Variants in LEKR1 observed in about 807,000 individuals in gnomAD.
LEKR1 encodes leucine, glutamate and lysine rich 1, also known as protein LEKR1.
Under a neutral mutation model 72.4 loss-of-function variants are expected in LEKR1, and 59 were observed. The observed-to-expected ratio is 0.82, with a 90% confidence interval of 0.66 to 1.01. The LOEUF (loss-of-function observed/expected upper bound fraction) is 1.01. Among genes scored for constraint, LEKR1 ranks in the 50% least tolerant of loss-of-function variants. The pLI is 0.00. For synonymous variants in LEKR1, 257 were observed against 263.2 expected (o/e 0.98, Z 0.23); for missense variants, 728 against 759.2 (o/e 0.96, Z 0.48).
chr3:156,848,204 T>C (rs1018310632), intron 2 of LEKR1, among the ~76,000 whole-genome samples: 1 of 152,166 alleles, frequency 6.6e-6, no homozygotes, highest in African/African-American at 2.4e-5. Context: ...TTTATTGACA[T>C]GGATGAATTA....
chr3:156,954,843 CT>C (rs970535814), intron 6 of LEKR1, among the ~76,000 whole-genome samples: 30 of 152,026 alleles, frequency 2.0e-4, no homozygotes, highest in Admixed American at 7.9e-4. Flanking sequence ...TAGTCAGGCT[CT>C]TTTAGGTTCC....
In LEKR1 at chr3:156,993,143, G is replaced by A; in HGVS notation, c.975G>A (p.Gln325=). 1.2e-6 allele frequency: 2 copies of A among 1,612,438 alleles called. No homozygotes were observed. Among genetic ancestry groups the A allele is most frequent in the Admixed American group, 1.7e-5 (1 of 59,856 alleles). Residue 325 remains glutamine, a synonymous_variant, in exon 9 of 13, where the codon CAG becomes CAA. Transcript: ENST00000356539. ...MTCQQIYKAL[Q]EELTVKEKQE... ...GTCAACAGATATATAAAGCATTACAGGAAGAGCTGACTGTGAAAGAAAAGC... is the reference window on the plus strand; with the variant it reads ...GTCAACAGATATATAAAGCATTACAAGAAGAGCTGACTGTGAAAGAAAAGC...
At chr3:157,002,795 G>A (rs566167659) in intron 9 of LEKR1, among the ~76,000 whole-genome samples, 10 of 152,184 alleles carry the variant, frequency 6.6e-5, no homozygotes, top group African/African-American at 2.2e-4. Context: ...TGAAAATTCA[G>A]TGAATAATTA....
intron 3 of LEKR1, among the ~76,000 whole-genome samples, chr3:156,865,781 C>T (rs1717243513): frequency 6.6e-6 from 1 of 151,988 alleles, no homozygotes; most frequent in Non-Finnish European, 1.5e-5. Context: ...TCCCTCGAGC[C>T]TCACTCTCTT....
chr3:156,843,405 T>G (rs995547401), intron 2 of LEKR1, among the ~76,000 whole-genome samples: 12 of 152,098 alleles, frequency 7.9e-5, no homozygotes, highest in South Asian at 6.2e-4. Context: ...TTTTTTAAAA[T>G]GGTGACAAAA....
At chr3:156,907,931 T>C (rs553278526) in intron 3 of LEKR1, among the ~76,000 whole-genome samples, 1 of 152,278 alleles carries the variant, frequency 6.6e-6, no homozygotes, top group East Asian at 1.9e-4. Flanking sequence ...CTGTGACAGT[T>C]CCTCAGTCTT....
intron 12 of LEKR1, among the ~76,000 whole-genome samples, chr3:157,033,621 C>T (rs1342729399): frequency 6.6e-6 from 1 of 152,162 alleles, no homozygotes; most frequent in African/African-American, 2.4e-5. Flanking sequence ...ATTTCCAGAA[C>T]ATAAAGGTAT....
At position 157,028,376 on chromosome 3, in the gene LEKR1, G is replaced by A. The variant is rs138679064; in HGVS notation, c.1642G>A (p.Glu548Lys). Residue 548 changes from glutamate (E) to lysine (K), a missense_variant, in exon 12 of 13, where the codon GAG becomes AAG. By Grantham distance (56) the Glu-to-Lys change is moderately conservative. Coordinates refer to ENST00000356539, the MANE Select transcript of LEKR1 (RefSeq NM_001004316.3). ...RVMLAQTQLI[E>K]QFNQSQEENT... ...AATGCTGGCTCAAACACAACTGATA[G>A]AGCAATTTAACCAGTCCCAGGAAGA... 10 of 1,607,868 alleles carry A rather than the reference G, an allele frequency of 6.2e-6. No individual in the cohort carries two copies. The highest frequency in any genetic ancestry group is 1.7e-4 in the Middle Eastern group (1 of 6,042).
At chr3:156,920,405 G>A (rs1416845440) in intron 3 of LEKR1, among the ~76,000 whole-genome samples, 170 bp from the exon 4 acceptor site, 1 of 151,900 alleles carries the variant, frequency 6.6e-6, no homozygotes, top group Admixed American at 6.6e-5. Flanking sequence ...CCCAGGATTT[G>A]GTGCCCAAGA....
intron 2 of LEKR1, among the ~76,000 whole-genome samples, chr3:156,836,151 G>A (rs1156704342): frequency 1.3e-5 from 2 of 151,902 alleles, no homozygotes; most frequent in Non-Finnish European, 2.9e-5. Context: ...GGTTTTACAG[G>A]CCTAAGCCAC....
At chr3:157,034,343 T>C (rs573304359) in intron 12 of LEKR1, among the ~76,000 whole-genome samples, 2 of 152,176 alleles carry the variant, frequency 1.3e-5, no homozygotes, top group African/African-American at 2.4e-5. Flanking sequence ...ATTCAGAACA[T>C]TCCTAATTCA....
intron 9 of LEKR1, among the ~76,000 whole-genome samples, chr3:157,010,829 G>T: frequency 6.6e-6 from 1 of 151,988 alleles, no homozygotes; most frequent in East Asian, 1.9e-4. Context: ...ATGATAAAGT[G>T]ATCTTTATGT....
In LEKR1 at chr3:156,835,105, A is replaced by C. The variant is rs151028810; in HGVS notation, c.48+5728A>C. On this transcript the variant is annotated intron_variant, in intron 2 of 12. Coordinates refer to ENST00000356539, the MANE Select transcript of LEKR1 (RefSeq NM_001004316.3). ...AAGTTTCTATTTCCTATTTTAGACTATCAGTTTCTTGATTACCTATTCCCT... is the reference window on the plus strand; with the variant it reads ...AAGTTTCTATTTCCTATTTTAGACTCTCAGTTTCTTGATTACCTATTCCCT... Among the ~76,000 whole-genome samples the C allele has an allele frequency of 2.6e-3, 389 of 152,314 alleles. 2 individuals carry two copies. The highest frequency in any genetic ancestry group is 8.2e-3 in the African/African-American group (339 of 41,572).
intron 2 of LEKR1, among the ~76,000 whole-genome samples, chr3:156,839,648 A>T (rs77940242): frequency 6.6e-6 from 1 of 151,680 alleles, no homozygotes; most frequent in Non-Finnish European, 1.5e-5. Flanking sequence ...CTTGGAGATG[A>T]TTTTTTTTTC....
intron 3 of LEKR1, among the ~76,000 whole-genome samples, chr3:156,855,910 T>G (rs747959681): frequency 6.6e-6 from 1 of 152,080 alleles, no homozygotes; most frequent in Non-Finnish European, 1.5e-5. Flanking sequence ...CTTTACTTCT[T>G]TTATGTGACC....
chr3:156,839,712 C>G (rs191694341), intron 2 of LEKR1, among the ~76,000 whole-genome samples: 1 of 152,176 alleles, frequency 6.6e-6, no homozygotes, highest in Non-Finnish European at 1.5e-5. Flanking sequence ...TGCTAGAAAA[C>G]AAATTGATGC....
chr3:156,959,101 A>G (rs1282552883), intron 6 of LEKR1, among the ~76,000 whole-genome samples: 2 of 152,138 alleles, frequency 1.3e-5, no homozygotes, highest in Non-Finnish European at 2.9e-5. Flanking sequence ...CTCAGATATC[A>G]TGTTAAGCTT....
At chr3:156,894,118 C>G (rs957793079) in intron 3 of LEKR1, among the ~76,000 whole-genome samples, 2 of 152,204 alleles carry the variant, frequency 1.3e-5, no homozygotes, top group Non-Finnish European at 2.9e-5. Flanking sequence ...CAGACTTCAT[C>G]TTGGTCAGGA....
chr3:156,861,939 T>TAA (rs1716806855), intron 3 of LEKR1, among the ~76,000 whole-genome samples: 1 of 152,134 alleles, frequency 6.6e-6, no homozygotes, highest in African/African-American at 2.4e-5. Flanking sequence ...TATTTTCTTT[T>TAA]ATTTCTTCTC....
Sources: gnomAD v4.1 joint callset for allele counts (sites outside exome capture counted in the v4.1 genomes callset) on GRCh38, gnomAD v4.1.1 for gene constraint, MANE v1.5 for transcripts, NCBI Gene and HGNC (gene_info 2026-07-23, HGNC 2026-07-21) for gene names.